Variants in PVT1 observed in about 807,000 individuals in gnomAD.
PVT1 encodes CXCR4/PVT1 fusion.
At chr8:127,848,013 G>T (rs965002210) in intron 2 of PVT1, among the ~76,000 whole-genome samples, 1 of 152,244 alleles carries the variant, frequency 6.6e-6, no homozygotes, top group East Asian at 1.9e-4. Flanking sequence ...ACTCTTGATT[G>T]CGTATCTTTG....
At chr8:127,941,734 T>G (rs1427355647) in intron 3 of PVT1, among the ~76,000 whole-genome samples, 5 of 152,262 alleles carry the variant, frequency 3.3e-5, no homozygotes, top group Non-Finnish European at 7.3e-5. Context: ...GCAAATTTTA[T>G]TCTGATTTAG....
At chr8:127,801,844 C>T (rs554674402) in intron 2 of PVT1, among the ~76,000 whole-genome samples, 56 of 152,244 alleles carry the variant, frequency 3.7e-4, no homozygotes, top group Admixed American at 6.5e-4. Flanking sequence ...GTGTGTTAAA[C>T]ACACATTGGA....
chr8:128,031,839 CAT>C (rs1813393945), intron 4 of PVT1, among the ~76,000 whole-genome samples: 1 of 152,176 alleles, frequency 6.6e-6, no homozygotes, highest in African/African-American at 2.4e-5. Flanking sequence ...TCTCACAGCA[CAT>C]GAGAAGACAA....
rs534973366 is a variant in PVT1, at chr8:127,876,220, C to A, written n.373-14369C>A. 4.0e-5 allele frequency among the ~76,000 whole-genome samples: 6 copies of A among 151,414 alleles called. No homozygotes were observed. In the East Asian group the frequency reaches 1.2e-3, roughly 30 times the overall value. On this transcript the variant is annotated intron_variant and non_coding_transcript_variant, in intron 2 of 10. Coordinates refer to ENST00000651587, the Ensembl canonical transcript of PVT1. ...TTGCACCATGGAGACACCTGGAAAACATACAGTGATTCACACACACGCCCC... is the reference window on the plus strand; with the variant it reads ...TTGCACCATGGAGACACCTGGAAAAAATACAGTGATTCACACACACGCCCC...
At chr8:127,995,877 C>T (rs1166703681) in intron 4 of PVT1, among the ~76,000 whole-genome samples, 1 of 149,906 alleles carries the variant, frequency 6.7e-6, no homozygotes, top group Non-Finnish European at 1.5e-5. Flanking sequence ...TATTGGTGCT[C>T]TGGGCTTTTG....
intron 3 of PVT1, among the ~76,000 whole-genome samples, chr8:127,957,806 C>G (rs550530847): frequency 6.6e-6 from 1 of 152,300 alleles, no homozygotes; most frequent in Admixed American, 6.5e-5. Context: ...TGAACATGCA[C>G]ACACACACAA....
intron 3 of PVT1, among the ~76,000 whole-genome samples, chr8:127,924,840 G>A (rs939552597): frequency 9.9e-5 from 15 of 152,186 alleles, no homozygotes; most frequent in African/African-American, 3.4e-4. Flanking sequence ...TAGAGATGGG[G>A]TTTTGCCACG....
At chr8:127,889,264 G>A (rs1253390303) in intron 2 of PVT1, among the ~76,000 whole-genome samples, 3 of 151,696 alleles carry the variant, frequency 2.0e-5, no homozygotes, top group Non-Finnish European at 4.4e-5. Context: ...CAAATAGCTG[G>A]AATTACAGGC....
intron 3 of PVT1, among the ~76,000 whole-genome samples, chr8:127,924,024 C>T (rs77269386): frequency 6.6e-6 from 1 of 152,208 alleles, no homozygotes; most frequent in Admixed American, 6.5e-5. Flanking sequence ...CTCCATGCCC[C>T]CTCTGGCATG....
intron 2 of PVT1, among the ~76,000 whole-genome samples, chr8:127,809,060 G>GA (rs1198335251): frequency 3.9e-5 from 4 of 102,718 alleles, no homozygotes; most frequent in South Asian, 3.5e-4. Flanking sequence ...AAAAAAGAAA[G>GA]AAAAAAAAGA....
chr8:127,897,856 C>A (rs1396411080), intron 3 of PVT1, among the ~76,000 whole-genome samples: 39 of 58,506 alleles, frequency 6.7e-4, no homozygotes, highest in South Asian at 1.8e-3. Context: ...AAAAGAAAGA[C>A]AGGAAGGAAG....
At chr8:128,089,026 A>G (rs2130164767) in intron 5 of PVT1, among the ~76,000 whole-genome samples, 1 of 152,292 alleles carries the variant, frequency 6.6e-6, no homozygotes, top group Non-Finnish European at 1.5e-5. Context: ...AGAACTCTAA[A>G]CAGATCACTG....
chr8:127,937,161 C>G (rs1816286111), intron 3 of PVT1, among the ~76,000 whole-genome samples: 1 of 152,228 alleles, frequency 6.6e-6, no homozygotes. Flanking sequence ...TACAAGTAAA[C>G]TGCAATTAAT....
At chr8:128,041,093 T>C (rs1330655848) in intron 4 of PVT1, among the ~76,000 whole-genome samples, 5 of 151,884 alleles carry the variant, frequency 3.3e-5, no homozygotes, top group African/African-American at 1.2e-4. Context: ...TATGTTTGTG[T>C]GTGCTTGTGT....
At chr8:127,905,651 A>G (rs1337128240) in intron 3 of PVT1, among the ~76,000 whole-genome samples, 2 of 152,050 alleles carry the variant, frequency 1.3e-5, no homozygotes, top group Admixed American at 6.5e-5. Context: ...TTGAGTATAT[A>G]TAATTGTGTT....
intron 3 of PVT1, among the ~76,000 whole-genome samples, chr8:127,892,670 T>C (rs535226203): frequency 6.6e-6 from 1 of 152,290 alleles, no homozygotes; most frequent in Admixed American, 6.5e-5. Flanking sequence ...TGAAGACTTT[T>C]CCTTGCGGTC....
chr8:128,021,834 G>A (rs1474393766), intron 4 of PVT1, among the ~76,000 whole-genome samples: 2 of 152,254 alleles, frequency 1.3e-5, no homozygotes, highest in African/African-American at 2.4e-5. Flanking sequence ...CTTGATTAGC[G>A]TCTGAGCTCA....
chr8:127,880,978 C>T (rs80011125), intron 2 of PVT1, among the ~76,000 whole-genome samples: 1,818 of 152,284 alleles, frequency 0.012, 41 homozygotes, highest in African/African-American at 0.041. Context: ...TGGCAGAACC[C>T]GAATGTCAGT....
chr8:128,026,852 C>T (rs949081905), intron 4 of PVT1, among the ~76,000 whole-genome samples: 1 of 152,154 alleles, frequency 6.6e-6, no homozygotes, highest in Non-Finnish European at 1.5e-5. Flanking sequence ...AGAAGACGCT[C>T]TCTGGGGAAC....
Sources: allele counts gnomAD v4.1 joint callset (sites outside exome capture counted in the v4.1 genomes callset), GRCh38; gene constraint gnomAD v4.1.1; transcripts MANE v1.5; gene names NCBI Gene and HGNC (gene_info 2026-07-23, HGNC 2026-07-21).